ARHGEF3: variants seen among roughly 807,000 people sequenced by gnomAD.
ARHGEF3 encodes the protein 59.8 kDA protein.
ARHGEF3 carries 28 observed loss-of-function variants against 63.2 expected under a neutral mutation model. The ratio of observed to expected loss-of-function variants is 0.44; its 90% confidence interval spans 0.33 to 0.61. ARHGEF3 has a LOEUF of 0.61. Among genes scored for constraint, ARHGEF3 ranks in the 20% least tolerant of loss-of-function variants. ARHGEF3 has a pLI of 0.03. For synonymous variants in ARHGEF3, 266 were observed against 254.2 expected (o/e 1.05, Z -0.44); for missense variants, 533 against 659.3 (o/e 0.81, Z 2.10).
intron 2 of ARHGEF3, among the ~76,000 whole-genome samples, chr3:56,984,193 G>A (rs757192458): frequency 3.9e-4 from 60 of 152,244 alleles, no homozygotes; most frequent in Non-Finnish European, 7.6e-4. Context: ...AAACCACACC[G>A]TGGGCTGCAG....
At chr3:56,830,999 T>G (rs1344538630) in intron 4 of ARHGEF3, among the ~76,000 whole-genome samples, 1 of 152,172 alleles carries the variant, frequency 6.6e-6, no homozygotes, top group Non-Finnish European at 1.5e-5. Context: ...CTTGGTTGAT[T>G]TGCTGTTATT....
At chr3:57,018,046 AG>A (rs1418337892) in intron 2 of ARHGEF3, among the ~76,000 whole-genome samples, 2 of 152,194 alleles carry the variant, frequency 1.3e-5, no homozygotes, top group Non-Finnish European at 2.9e-5. Flanking sequence ...TGGGAGCCCA[AG>A]GCAGGTGGAT....
At chr3:57,031,453 A>C (rs1703731352) in intron 2 of ARHGEF3, among the ~76,000 whole-genome samples, 1 of 152,204 alleles carries the variant, frequency 6.6e-6, no homozygotes, top group South Asian at 2.1e-4. Flanking sequence ...TGATTAACTC[A>C]GAACATCCCC....
Position 56,909,723 on chromosome 3 carries a change from C to T in ARHGEF3, c.130-27369G>A, listed in dbSNP as rs138918417. Among the ~76,000 whole-genome samples, 6 of 152,338 alleles carry T rather than the reference C, an allele frequency of 3.9e-5. No homozygotes were observed. In the East Asian group the frequency reaches 1.2e-3, roughly 29 times the overall value. On this transcript the variant is annotated intron_variant, in intron 3 of 12. Coordinates refer to the ARHGEF3 transcript ENST00000338458. ...GCGTTCTCATCACCTTCATCACTTA[C>T]TGTTACTACGTTTAACACCCTCCAC...
Position 56,745,376 on chromosome 3 carries a change from T to C in ARHGEF3, c.699A>G (p.Arg233=). The C allele has an allele frequency of 1.2e-6, 2 of 1,614,100 alleles. No individual in the cohort carries two copies. Among genetic ancestry groups the C allele is most frequent in the Non-Finnish European group, 1.7e-6 (2 of 1,180,020 alleles). The change falls in exon 7 of 10, where the codon CGA becomes CGG. Residue 233 remains arginine (R), a synonymous_variant. Coordinates refer to ENST00000296315, the MANE Select transcript of ARHGEF3 (RefSeq NM_019555.3). ...AACATCGCTGTAGGAAATCCTGGACTCGGTGATCTTGCTTTTTGTGGTCCA... is the reference window on the plus strand; with the variant it reads ...AACATCGCTGTAGGAAATCCTGGACCCGGTGATCTTGCTTTTTGTGGTCCA... ...ALLDHKKQDH[R]VQDFLQRCLE...
intron 2 of ARHGEF3, among the ~76,000 whole-genome samples, chr3:56,996,774 C>G (rs1296124598): frequency 6.6e-6 from 1 of 152,150 alleles, no homozygotes. Flanking sequence ...GCTATGCAGA[C>G]CCTATAGCCC....
intron 8 of ARHGEF3, among the ~76,000 whole-genome samples, chr3:56,735,718 G>A (rs1317484318): frequency 6.6e-6 from 1 of 152,156 alleles, no homozygotes; most frequent in Non-Finnish European, 1.5e-5. Flanking sequence ...ACAGAATGCA[G>A]CTTTCTAGCA....
chr3:56,934,180 G>C (rs1368376177), intron 3 of ARHGEF3, among the ~76,000 whole-genome samples: 1 of 152,206 alleles, frequency 6.6e-6, no homozygotes, highest in Non-Finnish European at 1.5e-5. Flanking sequence ...CCCTTCCCAG[G>C]ATATTTGCCC....
At chr3:56,782,022 G>A (rs2036589097) in intron 1 of ARHGEF3, among the ~76,000 whole-genome samples, 1 of 152,196 alleles carries the variant, frequency 6.6e-6, no homozygotes, top group Admixed American at 6.5e-5. Flanking sequence ...AGCTGCCTGA[G>A]CAAAGGAGGA....
intron 2 of ARHGEF3, among the ~76,000 whole-genome samples, chr3:56,763,214 G>A (rs1397224810): frequency 6.6e-6 from 1 of 152,124 alleles, no homozygotes; most frequent in Non-Finnish European, 1.5e-5. Context: ...AGTGAGGATT[G>A]GATAAGATAA....
At chr3:57,045,182 G>A (rs1204666252) in intron 1 of ARHGEF3, among the ~76,000 whole-genome samples, 3 of 152,164 alleles carry the variant, frequency 2.0e-5, no homozygotes, top group Non-Finnish European at 4.4e-5. Flanking sequence ...CAGGAGAATC[G>A]CTTGAACCTA....
At chr3:56,941,748 G>T (rs2108424855) in intron 3 of ARHGEF3, among the ~76,000 whole-genome samples, 1 of 152,230 alleles carries the variant, frequency 6.6e-6, no homozygotes, top group East Asian at 1.9e-4. Flanking sequence ...CCATATTGTT[G>T]TTCATCAGTG....
chr3:56,802,882 A>C (rs1003931974), upstream of ARHGEF3, among the ~76,000 whole-genome samples: 1 of 152,212 alleles, frequency 6.6e-6, no homozygotes, highest in South Asian at 2.1e-4. Context: ...TGCTTAAATA[A>C]ACTTTCTTCA....
intron 2 of ARHGEF3, among the ~76,000 whole-genome samples, chr3:56,773,351 C>G (rs1162755397): frequency 6.6e-6 from 1 of 152,144 alleles, no homozygotes; most frequent in Non-Finnish European, 1.5e-5. Flanking sequence ...TTTGCCGACC[C>G]TGGTTGAAGC....
chr3:56,855,842 A>G (rs1384477008), intron 4 of ARHGEF3, among the ~76,000 whole-genome samples: 5 of 152,226 alleles, frequency 3.3e-5, no homozygotes, highest in African/African-American at 9.6e-5. Flanking sequence ...TGTACAGATG[A>G]TGATGACACA....
Position 56,751,300 on chromosome 3 carries a change from C to T in ARHGEF3, c.535G>A (p.Glu179Lys). The change falls in exon 5 of 10, where the codon GAG becomes AAG. Residue 179 changes from glutamate (E) to lysine (K), a missense_variant and splice_region_variant. Physicochemically the swap from Glu to Lys is moderately conservative, Grantham distance 56 (BLOSUM62 1). This residue lies in a region of ARHGEF3 where 107 missense variants were observed against 207.9 expected (regional missense o/e 0.51). Coordinates refer to ENST00000296315, the MANE Select transcript of ARHGEF3 (RefSeq NM_019555.3). ...ACTCATCCTGGGAACAAAATTATAC[C>T]TTCATGTAGAGGAATTAGAGAGTCC... ...TLDSLIPLHE[E>K]LLSQLRDVRK... 1 of 1,609,924 alleles carries T rather than the reference C, an allele frequency of 6.2e-7. No homozygotes were observed. The highest frequency in any genetic ancestry group is 8.5e-7 in the Non-Finnish European group (1 of 1,176,246).
chr3:56,898,629 C>G (rs1457392370), intron 3 of ARHGEF3: 1 of 269,532 alleles, frequency 3.7e-6, no homozygotes, highest in African/African-American at 2.3e-5. Flanking sequence ...TGGGGTGATC[C>G]CTGGAAGAAC....
chr3:57,025,692 C>T (rs112569322), intron 2 of ARHGEF3, among the ~76,000 whole-genome samples: 1,974 of 152,268 alleles, frequency 0.013, 9 homozygotes, highest in Middle Eastern at 0.024. Context: ...CTTGTTTTTG[C>T]TCCCTCTTGA....
intron 4 of ARHGEF3, among the ~76,000 whole-genome samples, chr3:56,840,415 C>G (rs1480545425): frequency 6.6e-6 from 1 of 152,240 alleles, no homozygotes; most frequent in Non-Finnish European, 1.5e-5. Flanking sequence ...AGTTTCCACA[C>G]TCTACAGGTA....
Sources: gnomAD v4.1 joint callset for allele counts (sites outside exome capture counted in the v4.1 genomes callset) on GRCh38, gnomAD v4.1.1 for gene constraint, gnomAD v4.1.1 regional missense constraint, MANE v1.5 for transcripts, NCBI Gene and HGNC (gene_info 2026-07-23, HGNC 2026-07-21) for gene names.